Variants in GUCY2F observed in about 807,000 individuals in gnomAD.
GUCY2F encodes the protein retinal guanylyl cyclase 2.
A neutral mutation model predicts 73.1 loss-of-function variants in GUCY2F; 61 were observed. The ratio of observed to expected loss-of-function variants is 0.83; its 90% CI spans 0.68 to 1.03. GUCY2F has a LOEUF of 1.03. GUCY2F is among the 50% of genes least tolerant of loss of function. The pLI, the probability that GUCY2F is intolerant of heterozygous loss-of-function variation, is 0.00. For missense variants in GUCY2F, 912 were observed against 854.3 expected, an observed-to-expected ratio of 1.07 and a Z score of -0.84; for synonymous variants, 331 against 307.8, an observed-to-expected ratio of 1.08 and a Z score of -0.79.
chrX:109,397,724 C>G (rs1243569790), intron 11 of GUCY2F, among the ~76,000 whole-genome samples: 1 of 111,975 alleles, frequency 8.9e-6, no homozygotes, highest in African/African-American at 3.3e-5. Flanking sequence ...GTTCATCATT[C>G]TTTTCCTGTC....
chrX:109,463,149 G>A (rs1294313535), intron 3 of GUCY2F, among the ~76,000 whole-genome samples: 2 of 111,738 alleles, frequency 1.8e-5, no homozygotes, highest in Non-Finnish European at 3.8e-5. Flanking sequence ...TCACTATTCA[G>A]ACAGAGAAGC....
intron 3 of GUCY2F, among the ~76,000 whole-genome samples, chrX:109,458,354 A>G (rs1932299867): frequency 9.0e-6 from 1 of 111,702 alleles, no homozygotes; most frequent in South Asian, 3.8e-4. Context: ...AGTTACCTTG[A>G]GCCTTAGTTT....
chrX:109,407,758 C>T (rs1296496626), intron 9 of GUCY2F, among the ~76,000 whole-genome samples: 1 of 113,463 alleles, frequency 8.8e-6, no homozygotes, highest in Admixed American at 9.2e-5. Context: ...GCGGAAGCCC[C>T]AAGCCTTGGC....
chrX:109,384,932 T>C (rs895447202), intron 16 of GUCY2F, among the ~76,000 whole-genome samples: 12 of 112,019 alleles, frequency 1.1e-4, no homozygotes, highest in Non-Finnish European at 2.1e-4. Flanking sequence ...GTGGCTGTTT[T>C]GGTGTCACTT....
At chrX:109,457,123 T>C (rs1046571075) in intron 3 of GUCY2F, among the ~76,000 whole-genome samples, 6 of 112,078 alleles carry the variant, frequency 5.4e-5, no homozygotes, top group African/African-American at 1.9e-4. Context: ...CCTGAAAGAA[T>C]TAGTTATGAA....
At chrX:109,391,480 T>C in intron 14 of GUCY2F, among the ~76,000 whole-genome samples, 1 of 111,622 alleles carries the variant, frequency 9.0e-6, no homozygotes, top group South Asian at 3.8e-4. Flanking sequence ...ATGTATTAGA[T>C]CTACACAAAC....
At chrX:109,449,304 G>C (rs1359495530) in intron 5 of GUCY2F, among the ~76,000 whole-genome samples, 1 of 112,249 alleles carries the variant, frequency 8.9e-6, no homozygotes, top group Non-Finnish European at 1.9e-5. Context: ...GTTTCTAATT[G>C]TCTGCCAACA....
At chrX:109,408,627 C>T (rs1424704602) in intron 9 of GUCY2F, among the ~76,000 whole-genome samples, 9 of 111,996 alleles carry the variant, frequency 8.0e-5, no homozygotes, top group Non-Finnish European at 1.1e-4. Context: ...GTAATTGAAT[C>T]GTGAGGGCTG....
chrX:109,373,801 G>C (rs1008615598), intron 19 of GUCY2F, among the ~76,000 whole-genome samples: 2 of 112,832 alleles, frequency 1.8e-5, no homozygotes, highest in Non-Finnish European at 3.7e-5. Context: ...CTCAGTAGGT[G>C]AAATTTTATG....
chrX:109,452,901 T>C (rs981050733), intron 4 of GUCY2F, among the ~76,000 whole-genome samples: 1 of 111,897 alleles, frequency 8.9e-6, no homozygotes, highest in African/African-American at 3.3e-5. Context: ...ATTTACTGGA[T>C]ACCTACTGTG....
Position 109,441,572 on chromosome X carries a change from A to G in GUCY2F, c.1570-90T>C. On this transcript the variant is annotated intron_variant, in intron 6 of 19. Transcript: ENST00000218006. ...TGAATTTTCTTTTTTATTCCTAAGAAAATAACCATATGAGTTGAACCCTGT... is the reference window on the plus strand; with the variant it reads ...TGAATTTTCTTTTTTATTCCTAAGAGAATAACCATATGAGTTGAACCCTGT... 3 of 612,719 alleles carry G rather than the reference A, an allele frequency of 4.9e-6. No homozygotes were observed. The South Asian group carries it at 1.3e-4, about 27-fold the overall frequency. 50.5% of individuals were successfully genotyped at this position (612,719 alleles called of 1,213,427 possible). A position where few individuals can be genotyped will look rare whatever the true frequency, so the allele number is the denominator to read the frequency against.
intron 8 of GUCY2F, among the ~76,000 whole-genome samples, chrX:109,425,679 C>T (rs910266443): frequency 1.8e-5 from 2 of 109,564 alleles, no homozygotes; most frequent in East Asian, 2.8e-4. Flanking sequence ...GAGAGATAAA[C>T]GACTACAAAT....
chrX:109,395,702 T>C (rs184295932), intron 11 of GUCY2F, among the ~76,000 whole-genome samples: 154 of 111,833 alleles, frequency 1.4e-3, no homozygotes, highest in Non-Finnish European at 1.7e-3. Context: ...AATTAATCAG[T>C]TGGACTCTTG....
intron 11 of GUCY2F, among the ~76,000 whole-genome samples, chrX:109,396,953 C>G (rs1041822631): frequency 8.9e-6 from 1 of 112,413 alleles, no homozygotes; most frequent in African/African-American, 3.2e-5. Flanking sequence ...CACCTCTCTG[C>G]TTAGGCACAG....
At chrX:109,444,289 A>C (rs938186070) in intron 6 of GUCY2F, among the ~76,000 whole-genome samples, 1 of 112,211 alleles carries the variant, frequency 8.9e-6, no homozygotes, top group African/African-American at 3.2e-5. Context: ...CTGAACAATT[A>C]ATTTGACTCC....
rs147429818 is a variant in GUCY2F at position 109,477,824 on chromosome X, T to A, written c.-85-1803A>T. ...ATCTTGACTCTCACTCCTAATTTTA[T>A]GAGAAACCTTGACTCCTGAAGAGAC... On this transcript the variant is annotated intron_variant, in intron 1 of 19. Transcript: ENST00000218006. 9.3e-3 allele frequency among the ~76,000 whole-genome samples: 1,048 copies of A among 112,112 alleles called. 16 individuals are homozygous for A. Among genetic ancestry groups the A allele is most frequent in the African/African-American group, 0.032 (997 of 30,796 alleles).
intron 16 of GUCY2F, among the ~76,000 whole-genome samples, chrX:109,384,381 C>T (rs899238332): frequency 2.5e-4 from 28 of 112,169 alleles, no homozygotes; most frequent in African/African-American, 9.1e-4. Flanking sequence ...ATTCTCTATG[C>T]TTTTCCTATA....
intron 7 of GUCY2F, among the ~76,000 whole-genome samples, chrX:109,431,915 A>G (rs1218521657): frequency 5.6e-5 from 6 of 108,078 alleles, no homozygotes; most frequent in Admixed American, 3.0e-4. Flanking sequence ...GGAAAAAAAA[A>G]AAAAAAAGAA....
intron 2 of GUCY2F, among the ~76,000 whole-genome samples, chrX:109,469,463 T>C (rs1030811017): frequency 1.8e-5 from 2 of 110,384 alleles, no homozygotes; most frequent in Admixed American, 9.6e-5. Context: ...TGGAAATGAT[T>C]CCACTTGCTG....
Sources: allele counts gnomAD v4.1 joint callset (sites outside exome capture counted in the v4.1 genomes callset), GRCh38; gene constraint gnomAD v4.1.1; transcripts MANE v1.5; gene names NCBI Gene and HGNC (gene_info 2026-07-23, HGNC 2026-07-21).